Variants in RYR2 observed in about 807,000 individuals in gnomAD.
RYR2 encodes the protein cardiac muscle ryanodine receptor-calcium release channel.
RYR2 carries 227 observed loss-of-function variants against 601.1 expected under a neutral mutation model. The ratio of observed to expected loss-of-function variants is 0.38; its 90% CI spans 0.34 to 0.42. The LOEUF (loss-of-function observed/expected upper bound fraction) is 0.42. RYR2 is among the 10% of genes least tolerant of loss of function. RYR2 has a pLI of 1.00. For missense variants in RYR2, 4,646 were observed against 6,156.5 expected, an observed-to-expected ratio of 0.75 and a Z score of 8.21; for synonymous variants, 2,223 against 2,175.1, an observed-to-expected ratio of 1.02 and a Z score of -0.61.
chr1:237,417,659 T>C (rs1705150901), intron 11 of RYR2, among the ~76,000 whole-genome samples: 1 of 152,212 alleles, frequency 6.6e-6, no homozygotes, highest in South Asian at 2.1e-4. Context: ...AGTCACTGTG[T>C]ATTCATTATA....
intron 99 of RYR2, among the ~76,000 whole-genome samples, chr1:237,807,433 C>T (rs540971184): frequency 2.6e-5 from 4 of 152,186 alleles, no homozygotes; most frequent in South Asian, 2.1e-4. Flanking sequence ...TCACTGCAAC[C>T]TCCGCCTCCC....
At chr1:237,438,005 G>T (rs2998400) in intron 12 of RYR2, among the ~76,000 whole-genome samples, 15,571 of 144,306 alleles carry the variant, frequency 0.11, 2,083 homozygotes, top group African/African-American at 0.32. Context: ...TTAAGCTAGA[G>T]TGTTTTAATG....
At position 237,771,717 on chromosome 1, in the gene RYR2, C is replaced by A. The variant is rs911930138; in HGVS notation, c.11558-295C>A. On this transcript the variant is annotated intron_variant, in intron 85 of 104. Transcript: ENST00000366574. ...CTTCTTATATCCTCAAGGATAGCAA[C>A]CTTTTTTAGTCATTCGTTTGCCCAG... 2.0e-5 allele frequency among the ~76,000 whole-genome samples: 3 copies of A among 152,066 alleles called. No individual in the cohort carries two copies. In the East Asian group the frequency reaches 5.8e-4, roughly 29 times the overall value.
intron 63 of RYR2, among the ~76,000 whole-genome samples, chr1:237,693,884 G>A (rs953754620): frequency 2.0e-5 from 3 of 152,074 alleles, no homozygotes; most frequent in Non-Finnish European, 2.9e-5. Flanking sequence ...AAACACTGAC[G>A]TCTTTAAATG....
At position 237,114,498 on chromosome 1, in the gene RYR2, G is replaced by A. The variant is rs141145067; in HGVS notation, c.48+71929G>A. 3.3e-5 allele frequency among the ~76,000 whole-genome samples: 5 copies of A among 152,256 alleles called. No individual in the cohort carries two copies. The East Asian group carries it at 9.6e-4, about 29-fold the overall frequency. ...TGGAAGAGTACAGTATAAAATATTT[G>A]AATTCAGACACTTTAGAGCTTGGAC... On this transcript the variant is annotated intron_variant, in intron 1 of 104. Coordinates refer to ENST00000366574, the MANE Select transcript of RYR2 (RefSeq NM_001035.3).
intron 1 of RYR2, among the ~76,000 whole-genome samples, chr1:237,208,413 G>A (rs1682053203): frequency 6.6e-6 from 1 of 152,130 alleles, no homozygotes; most frequent in South Asian, 2.1e-4. Flanking sequence ...AAAATAAGAT[G>A]TTCCATGTGA....
intron 101 of RYR2, among the ~76,000 whole-genome samples, chr1:237,821,576 A>G (rs2486556): frequency 0.26 from 39,877 of 151,984 alleles, 5,679 homozygotes; most frequent in East Asian, 0.61. Context: ...AGAAACCAGC[A>G]CAAAAAGACT....
At chr1:237,467,242 T>C (rs1358958117) in intron 16 of RYR2, among the ~76,000 whole-genome samples, 2 of 148,208 alleles carry the variant, frequency 1.3e-5, no homozygotes, top group East Asian at 3.9e-4. Context: ...TTTAGATAGC[T>C]ATATATAATT....
intron 12 of RYR2, among the ~76,000 whole-genome samples, chr1:237,438,039 A>C (rs796975903): frequency 9.9e-5 from 15 of 152,240 alleles, no homozygotes; most frequent in African/African-American, 3.1e-4. Flanking sequence ...CAGATTGAAA[A>C]ATTTCTACTG....
chr1:237,464,617 A>C (rs1407066380), intron 16 of RYR2, among the ~76,000 whole-genome samples: 2 of 152,162 alleles, frequency 1.3e-5, no homozygotes, highest in Non-Finnish European at 2.9e-5. Flanking sequence ...GTCCCTTATC[A>C]AGATATTTCC....
intron 16 of RYR2, among the ~76,000 whole-genome samples, chr1:237,464,408 GAT>G (rs1659831350): frequency 9.6e-6 from 1 of 104,450 alleles, no homozygotes; most frequent in African/African-American, 2.8e-5. Context: ...GAGCATTTGT[GAT>G]TTTTTTTTTT....
At chr1:237,494,774 T>C (rs568172156) in intron 19 of RYR2, among the ~76,000 whole-genome samples, 2 of 151,664 alleles carry the variant, frequency 1.3e-5, no homozygotes, top group Non-Finnish European at 2.9e-5. Context: ...AAATGTGGGG[T>C]TTGTTGTGTA....
At chr1:237,517,707 CTT>C (rs1241410681) in intron 24 of RYR2, among the ~76,000 whole-genome samples, 1 of 152,018 alleles carries the variant, frequency 6.6e-6, no homozygotes, top group Non-Finnish European at 1.5e-5. Flanking sequence ...GATACAGAGA[CTT>C]TTCTTATGCC....
intron 67 of RYR2, among the ~76,000 whole-genome samples, chr1:237,705,765 G>C (rs932018301): frequency 6.6e-6 from 1 of 152,184 alleles, no homozygotes; most frequent in Non-Finnish European, 1.5e-5. Flanking sequence ...AAAAAGAGAA[G>C]TTTAAATTTA....
At chr1:237,444,772 C>T (rs1456878223) in intron 13 of RYR2, among the ~76,000 whole-genome samples, 4 of 152,092 alleles carry the variant, frequency 2.6e-5, no homozygotes, top group African/African-American at 7.2e-5. Context: ...TCTTTCCTAA[C>T]ATTATAGTTT....
At chr1:237,741,941 G>A (rs1431897717) in intron 79 of RYR2, among the ~76,000 whole-genome samples, 1 of 152,082 alleles carries the variant, frequency 6.6e-6, no homozygotes, top group Non-Finnish European at 1.5e-5. Flanking sequence ...CTGTATTCGT[G>A]CATTGCAATG....
chr1:237,685,580 A>G (rs56803822), intron 62 of RYR2, among the ~76,000 whole-genome samples: 2,822 of 152,270 alleles, frequency 0.019, 74 homozygotes, highest in African/African-American at 0.064. Context: ...TAGGTAAAAT[A>G]CATGACTTAA....
At position 237,819,264 on chromosome 1, in the gene RYR2, A is replaced by G. The variant is rs568021767; in HGVS notation, c.14590+72A>G. 1.6e-4 allele frequency: 222 copies of G among 1,423,288 alleles called. No individual in the cohort carries two copies. In the African/African-American group the frequency reaches 3.0e-3, roughly 19 times the overall value. 88.2% of individuals were successfully genotyped at this position (1,423,288 alleles called of 1,614,324 possible). The stretch of plus-strand genomic sequence containing the variant: ...CACATGTTGCTGAAGTTAATATTCA[A>G]GGTAGGGTAATGACGTCAAGTGTTT... On this transcript the variant is annotated intron_variant, in intron 101 of 104. Coordinates refer to ENST00000366574, the MANE Select transcript of RYR2 (RefSeq NM_001035.3). This position sits in a 1 kb window ranked among gnomAD's most constrained non-coding sequence, Gnocchi z 4.0.
At chr1:237,771,732 CG>C (rs893285142) in intron 85 of RYR2, among the ~76,000 whole-genome samples, 2 of 152,024 alleles carry the variant, frequency 1.3e-5, no homozygotes, top group African/African-American at 4.8e-5. Context: ...TTTAGTCATT[CG>C]TTTGCCCAGA....
Sources: allele counts gnomAD v4.1 joint callset (sites outside exome capture counted in the v4.1 genomes callset), GRCh38; gene constraint gnomAD v4.1.1; non-coding constraint Gnocchi (gnomAD v3.1); transcripts MANE v1.5; gene names NCBI Gene and HGNC (gene_info 2026-07-23, HGNC 2026-07-21).